EBF4: variants seen among roughly 807,000 people sequenced by gnomAD.
The protein encoded by EBF4 is EBF transcription factor 4, also known as transcription factor COE4.
EBF4 carries 34 observed loss-of-function variants against 67.1 expected under a neutral mutation model. The observed-to-expected ratio is 0.51, with a 90% CI of 0.39 to 0.67. The LOEUF (loss-of-function observed/expected upper bound fraction) is 0.67. Among genes scored for constraint, EBF4 ranks in the 30% least tolerant of loss-of-function variants. EBF4 has a pLI of 0.00. For missense variants in EBF4, 837 were observed against 873.3 expected (o/e 0.96, Z 0.52); for synonymous variants, 387 against 377.7 (o/e 1.02, Z -0.29).
intron 6 of EBF4, among the ~76,000 whole-genome samples, chr20:2,738,239 T>C (rs991503728): frequency 7.2e-5 from 11 of 152,294 alleles, no homozygotes; most frequent in African/African-American, 2.6e-4. Context: ...CTGGGTCTCA[T>C]CTACACCACC....
At chr20:2,736,816 C>T (rs542920105) in intron 6 of EBF4, among the ~76,000 whole-genome samples, 1 of 131,500 alleles carries the variant, frequency 7.6e-6, no homozygotes, top group East Asian at 2.2e-4. Flanking sequence ...GGCTGAGATG[C>T]CAGTCATAAG....
At chr20:2,722,316 C>T (rs979861927) in intron 6 of EBF4, among the ~76,000 whole-genome samples, 1 of 151,612 alleles carries the variant, frequency 6.6e-6, no homozygotes, top group Non-Finnish European at 1.5e-5. Flanking sequence ...CTATGAATTA[C>T]GAGGTGTTTT....
At position 2,709,647 on chromosome 20, in the gene EBF4, A is replaced by G; in HGVS notation, c.557+5A>G. Reference sequence around the variant, plus strand: ...AGACCCCGTCATCATTGACAGGTACAGGCTCAGGGAGGGGGCCTGGAAGCT... The same window carrying G: ...AGACCCCGTCATCATTGACAGGTACGGGCTCAGGGAGGGGGCCTGGAAGCT... On this transcript the variant is annotated splice_donor_5th_base_variant and intron_variant, in intron 6 of 16. Coordinates refer to ENST00000609451, the Ensembl canonical transcript of EBF4. 3.2e-6 allele frequency: 5 copies of G among 1,538,604 alleles called. No homozygotes were observed. The highest frequency in any genetic ancestry group is 2.4e-5 in the South Asian group (2 of 82,766).
At chr20:2,709,515 T>C (rs2087509878) in intron 5 of EBF4, 59 bp from the exon 6 acceptor site, 2 of 1,473,590 alleles carry the variant, frequency 1.4e-6, no homozygotes, top group Non-Finnish European at 1.8e-6. Flanking sequence ...ACTCACACAC[T>C]GTCGTGGCCC....
intron 6 of EBF4, 75 bp from the exon 7 acceptor site, chr20:2,748,474 T>C (rs571622171): frequency 7.1e-6 from 10 of 1,399,138 alleles, no homozygotes; most frequent in Non-Finnish European, 7.9e-6. Flanking sequence ...GGAGGGGGCA[T>C]GGCAGGGAGC....
Position 2,703,282 on chromosome 20 carries a change from TAC to T in EBF4, c.138-2294_138-2293del, listed in dbSNP as rs1212966527. 2.8e-5 allele frequency among the ~76,000 whole-genome samples: 4 copies of T among 141,056 alleles called. No individual in the cohort carries two copies. In the East Asian group the frequency reaches 8.4e-4, roughly 30 times the overall value. The allele number at this position is 141,056 out of a possible 152,430, so 92.5% of individuals were successfully genotyped here. A position where few individuals can be genotyped will look rare whatever the true frequency, so the allele number is the denominator to read the frequency against. ...AAAAAAAAAAAAAAAAAAAAAAAGT[TAC>T]TCCAAGCTGAGTATGGTGGCTCACA... On this transcript the variant is annotated intron_variant, in intron 1 of 16. Transcript: ENST00000609451.
intron 14 of EBF4, among the ~76,000 whole-genome samples, chr20:2,754,203 T>C (rs1459586100): frequency 2.0e-5 from 3 of 152,108 alleles, no homozygotes; most frequent in Non-Finnish European, 4.4e-5. Context: ...ACCCTTCCAC[T>C]CCCCACGTTC....
chr20:2,703,256 TAA>T (rs58171984), intron 1 of EBF4, among the ~76,000 whole-genome samples: 14,715 of 113,678 alleles, frequency 0.13, 1,676 homozygotes, highest in African/African-American at 0.31. Flanking sequence ...GACCCTGTCT[TAA>T]AAAAAAAAAA....
chr20:2,714,743 C>T (rs2087586340), intron 6 of EBF4, among the ~76,000 whole-genome samples: 1 of 152,128 alleles, frequency 6.6e-6, no homozygotes, highest in African/African-American at 2.4e-5. Flanking sequence ...GATGAGTTGT[C>T]CATATTTTTT....
intron 1 of EBF4, among the ~76,000 whole-genome samples, chr20:2,700,734 T>A (rs571959700): frequency 0.11 from 16,739 of 152,182 alleles, 992 homozygotes; most frequent in Admixed American, 0.14. Flanking sequence ...AATCAGCTTG[T>A]AATCTCCCCT....
intron 6 of EBF4, among the ~76,000 whole-genome samples, chr20:2,709,867 C>T (rs1378640455): frequency 6.7e-6 from 1 of 149,584 alleles, no homozygotes; most frequent in Non-Finnish European, 1.5e-5. Context: ...CTGCTTTCCC[C>T]GACTCCCTGA....
chr20:2,709,119 A>G (rs746604404), intron 5 of EBF4, among the ~76,000 whole-genome samples: 2 of 152,148 alleles, frequency 1.3e-5, no homozygotes. Flanking sequence ...CTCAGGAGGC[A>G]GAGGTTGCAG....
intron 14 of EBF4, among the ~76,000 whole-genome samples, chr20:2,753,434 T>G (rs1001638403): frequency 1.3e-5 from 2 of 152,244 alleles, no homozygotes; most frequent in Admixed American, 6.5e-5. Flanking sequence ...GATCAGCATG[T>G]TCACAGCTCT....
At chr20:2,720,432 T>C (rs2087665540) in intron 6 of EBF4, among the ~76,000 whole-genome samples, 1 of 152,264 alleles carries the variant, frequency 6.6e-6, no homozygotes, top group African/African-American at 2.4e-5. Flanking sequence ...TCATTTTTTT[T>C]CCCCCTTTCT....
intron 6 of EBF4, among the ~76,000 whole-genome samples, chr20:2,715,261 T>G (rs1389126395): frequency 6.6e-6 from 1 of 151,490 alleles, no homozygotes; most frequent in East Asian, 1.9e-4. Context: ...TTTAACTTTA[T>G]AAAAAAAAAT....
At chr20:2,693,434 A>C, upstream of EBF4, 1 of 278,074 alleles carries the variant, frequency 3.6e-6, no homozygotes, top group Middle Eastern at 1.2e-3. The surrounding 1 kb of genome is among the most constrained non-coding windows in gnomAD (Gnocchi z 4.6). Context: ...CTCCCCGCCC[A>C]GCGCCCCAGG....
At chr20:2,706,093 C>T (rs1044764069) in intron 3 of EBF4, 56 bp downstream of exon 3, 2 of 1,547,064 alleles carry the variant, frequency 1.3e-6, no homozygotes, top group Admixed American at 2.0e-5. Flanking sequence ...GGCACTGCAG[C>T]ATCATGCGAC....
At chr20:2,703,279 A>T (rs1244492534) in intron 1 of EBF4, among the ~76,000 whole-genome samples, 1 of 132,796 alleles carries the variant, frequency 7.5e-6, no homozygotes, top group Non-Finnish European at 1.5e-5. Context: ...AAAAAAAAAA[A>T]GTTACTCCAA....
rs1482376709 is a variant in EBF4, at chr20:2,707,806, G to C, written c.415-141G>C. On this transcript the variant is annotated intron_variant, in intron 4 of 16. Transcript: ENST00000609451. This position sits in a 1 kb window ranked among gnomAD's most constrained non-coding sequence, Gnocchi z 4.6. ...GGTTATCCCCCGCCTGGGCAGCCCA[G>C]AGCAAGGCAGAGGGCGTGCTCTTCC... The C allele has an allele frequency of 1.3e-6, 1 of 788,598 alleles. No individual in the cohort carries two copies. The highest frequency in any genetic ancestry group is 3.0e-5 in the East Asian group (1 of 33,216). 48.9% of individuals were successfully genotyped at this position (788,598 alleles called of 1,614,324 possible).
Sources: allele counts gnomAD v4.1 joint callset (sites outside exome capture counted in the v4.1 genomes callset), GRCh38; gene constraint gnomAD v4.1.1; non-coding constraint Gnocchi (gnomAD v3.1); transcripts MANE v1.5; gene names NCBI Gene and HGNC (gene_info 2026-07-23, HGNC 2026-07-21).